The following GLIS3 variants were observed in gnomAD, a reference collection of about 807,000 sequenced individuals.
GLIS3 encodes GLIS family zinc finger 3.
Under a neutral mutation model 78.6 loss-of-function variants are expected in GLIS3, and 53 were observed. That is an observed-to-expected ratio of 0.67 (90% CI 0.54 to 0.85). GLIS3 has a LOEUF of 0.85. Ranked by LOEUF, GLIS3 falls within the 40% of genes least tolerant of loss-of-function variation. The probability of loss-of-function intolerance (pLI) is 0.00; values close to 1 mark genes in which losing one functional copy is unlikely to be tolerated. For missense variants in GLIS3, 1,703 were observed against 1,231.1 expected, an observed-to-expected ratio of 1.38 and a Z score of -5.74; for synonymous variants, 684 against 509.9, an observed-to-expected ratio of 1.34 and a Z score of -4.60.
the GLIS3 span, among the ~76,000 whole-genome samples, chr9:4,470,051 C>T: frequency 7.9e-5 from 12 of 152,108 alleles, no homozygotes; most frequent in Non-Finnish European, 1.6e-4. Context: ...AAGACTAAAA[C>T]AGAAAGAAGT....
At chr9:4,338,788 C>G (rs1330264562) in intron 2 of GLIS3, among the ~76,000 whole-genome samples, 1 of 152,130 alleles carries the variant, frequency 6.6e-6, no homozygotes, top group Non-Finnish European at 1.5e-5. Flanking sequence ...ATTGTATCAC[C>G]TAAGGAGCCT....
At chr9:3,941,660 G>C (rs1409400424) in intron 4 of GLIS3, among the ~76,000 whole-genome samples, 2 of 152,262 alleles carry the variant, frequency 1.3e-5, no homozygotes, top group East Asian at 3.9e-4. Flanking sequence ...GGACACATAT[G>C]GGAAAAGGGC....
intron 4 of GLIS3, among the ~76,000 whole-genome samples, chr9:3,944,490 T>C (rs1006380278): frequency 7.9e-5 from 12 of 152,196 alleles, no homozygotes; most frequent in African/African-American, 2.9e-4. Context: ...AAGACTACAA[T>C]TGCAAGTGAA....
At chr9:4,294,507 C>T (rs1245156334) in intron 1 of GLIS3, among the ~76,000 whole-genome samples, 5 of 147,774 alleles carry the variant, frequency 3.4e-5, no homozygotes, top group Non-Finnish European at 7.5e-5. Flanking sequence ...GAAATTATGT[C>T]TCAAAAAAAA....
At chr9:4,145,872 T>C (rs1392106440) in intron 2 of GLIS3, among the ~76,000 whole-genome samples, 1 of 152,120 alleles carries the variant, frequency 6.6e-6, no homozygotes, top group Non-Finnish European at 1.5e-5. Context: ...TTAAACAATA[T>C]ACTTCATTTA....
intron 9 of GLIS3, chr9:3,855,390 T>G (rs1046973088): frequency 3.2e-5 from 5 of 155,514 alleles, no homozygotes; most frequent in South Asian, 1.9e-4. Context: ...CTAAAAGATA[T>G]AATTTTCTGA....
intron 2 of GLIS3, among the ~76,000 whole-genome samples, chr9:4,266,581 C>T (rs1287668585): frequency 7.7e-6 from 1 of 129,784 alleles, no homozygotes; most frequent in Non-Finnish European, 1.6e-5. Flanking sequence ...ACATTTTACA[C>T]ATGCATGCGC....
At chr9:3,991,202 G>T (rs1049649402) in intron 4 of GLIS3, among the ~76,000 whole-genome samples, 1 of 152,174 alleles carries the variant, frequency 6.6e-6, no homozygotes, top group African/African-American at 2.4e-5. Context: ...TTTAAAATGG[G>T]AAGGCACTTT....
chr9:3,921,376 C>T (rs1245476668), intron 6 of GLIS3, among the ~76,000 whole-genome samples: 1 of 152,178 alleles, frequency 6.6e-6, no homozygotes, highest in Non-Finnish European at 1.5e-5. Context: ...GTTGTTTTAG[C>T]ATGGGAACCG....
chr9:4,187,108 C>T (rs1268891593), intron 2 of GLIS3, among the ~76,000 whole-genome samples: 3 of 152,140 alleles, frequency 2.0e-5, no homozygotes, highest in Non-Finnish European at 4.4e-5. Context: ...AGGTTTTCTT[C>T]CAGGGTTTTT....
At chr9:4,437,735 C>G in the GLIS3 span, among the ~76,000 whole-genome samples, 65 of 152,254 alleles carry the variant, frequency 4.3e-4, no homozygotes, top group Admixed American at 1.0e-3. Context: ...AATAGCAAGA[C>G]CAAACCCACC....
At chr9:4,276,540 A>G (rs2130231840) in intron 2 of GLIS3, among the ~76,000 whole-genome samples, 1 of 59,354 alleles carries the variant, frequency 1.7e-5, no homozygotes, top group East Asian at 6.1e-4. Context: ...AGAGAAGGGG[A>G]CGGAAGGGGA....
chr9:4,279,296 T>G, intron 2 of GLIS3, among the ~76,000 whole-genome samples: 1 of 8,842 alleles, frequency 1.1e-4, no homozygotes, highest in South Asian at 0.012. Flanking sequence ...AGACTCCATC[T>G]CAAAAAAAAA....
chr9:4,254,352 A>C (rs1824704378), intron 2 of GLIS3, among the ~76,000 whole-genome samples: 1 of 152,222 alleles, frequency 6.6e-6, no homozygotes, highest in Non-Finnish European at 1.5e-5. Flanking sequence ...AAAATTACAA[A>C]TCATCTTGAG....
Position 4,222,858 on chromosome 9 carries a change from T to C in GLIS3, c.388+63180A>G, listed in dbSNP as rs142172711. 2.2e-3 allele frequency among the ~76,000 whole-genome samples: 333 copies of C among 152,318 alleles called. 2 individuals carry two copies. The highest frequency in any genetic ancestry group is 7.5e-3 in the African/African-American group (313 of 41,576). On this transcript the variant is annotated intron_variant, in intron 2 of 10. Transcript: ENST00000381971. The stretch of plus-strand genomic sequence containing the variant: ...CTGTCAGTAAGATTCTAGCATTCCA[T>C]TTCTCGGGCTGAAATGCTCATTCAC...
intron 2 of GLIS3, among the ~76,000 whole-genome samples, chr9:4,130,061 CTTTGAA>C (rs957512596): frequency 6.6e-6 from 1 of 152,126 alleles, no homozygotes; most frequent in Non-Finnish European, 1.5e-5. Flanking sequence ...ATCTGTGGAA[CTTTGAA>C]TTTGAAAGTG....
At chr9:4,141,605 T>C (rs983177324) in intron 2 of GLIS3, among the ~76,000 whole-genome samples, 1 of 152,204 alleles carries the variant, frequency 6.6e-6, no homozygotes, top group Admixed American at 6.5e-5. Context: ...ATGAGTAAGA[T>C]GGAATCTTGG....
intron 2 of GLIS3, among the ~76,000 whole-genome samples, chr9:4,156,834 T>A (rs1054253932): frequency 1.3e-5 from 2 of 151,524 alleles, no homozygotes; most frequent in Non-Finnish European, 2.9e-5. Context: ...GAAAAAAAAA[T>A]GCCCTCTCCC....
At chr9:4,240,951 ATGAGTGT>A (rs1823248169) in intron 2 of GLIS3, among the ~76,000 whole-genome samples, 1 of 4,716 alleles carries the variant, frequency 2.1e-4, no homozygotes, top group Non-Finnish European at 3.8e-4. Flanking sequence ...GAAAATATGT[ATGAGTGT>A]GTGTGTGTGT....
Sources: gnomAD v4.1 joint callset for allele counts (sites outside exome capture counted in the v4.1 genomes callset) on GRCh38, gnomAD v4.1.1 for gene constraint, MANE v1.5 for transcripts, NCBI Gene and HGNC (gene_info 2026-07-23, HGNC 2026-07-21) for gene names.